The following ORC5 variants were observed in gnomAD, a reference collection of about 807,000 sequenced individuals.
ORC5 encodes protein phosphatase 1, regulatory subunit 117.
Under a neutral mutation model 58.8 loss-of-function variants are expected in ORC5, and 39 were observed. The observed-to-expected ratio is 0.66, with a 90% CI of 0.51 to 0.87. ORC5 has a LOEUF of 0.87. Ranked by LOEUF, ORC5 falls within the 40% of genes least tolerant of loss-of-function variation. ORC5 has a pLI of 0.00. For synonymous variants in ORC5, 218 were observed against 177.6 expected (o/e 1.23, Z -1.81); for missense variants, 493 against 506.3 (o/e 0.97, Z 0.25).
At chr7:104,192,988 T>C (rs780242523) in intron 5 of ORC5, among the ~76,000 whole-genome samples, 1 of 151,742 alleles carries the variant, frequency 6.6e-6, no homozygotes, top group Non-Finnish European at 1.5e-5. Context: ...CAATATAAAG[T>C]GCTCTAACAT....
At chr7:104,127,095 C>G (rs1477078842) in intron 13 of ORC5, among the ~76,000 whole-genome samples, 4 of 148,338 alleles carry the variant, frequency 2.7e-5, no homozygotes, top group African/African-American at 9.9e-5. Flanking sequence ...TTTTTTTTGC[C>G]ATGCACGAAG....
intron 1 of ORC5, among the ~76,000 whole-genome samples, chr7:104,206,445 GCT>G (rs1321948232): frequency 6.6e-6 from 1 of 152,170 alleles, no homozygotes. Flanking sequence ...TTGCCAATTT[GCT>G]CTTTCAGCAG....
intron 8 of ORC5, among the ~76,000 whole-genome samples, chr7:104,173,846 T>A (rs866861736): frequency 0.025 from 2,110 of 82,786 alleles, 46 homozygotes; most frequent in African/African-American, 0.12. Flanking sequence ...AAATTTTTTC[T>A]TTTTTTTTTT....
intron 1 of ORC5, among the ~76,000 whole-genome samples, chr7:104,204,768 T>C (rs1800033126): frequency 6.6e-6 from 1 of 152,194 alleles, no homozygotes; most frequent in Admixed American, 6.5e-5. Flanking sequence ...AATGCATACA[T>C]TAGATCACAT....
intron 12 of ORC5, among the ~76,000 whole-genome samples, chr7:104,155,597 T>A (rs1464603981): frequency 6.6e-6 from 1 of 151,522 alleles, no homozygotes. Context: ...TCGAAGCAGA[T>A]CAATGAAAAT....
rs1412242866 is a variant in ORC5, at chr7:104,126,624, A to AAC, written c.*222_*223dup. 7 of 468,112 alleles carry AAC rather than the reference A, an allele frequency of 1.5e-5. No individual in the cohort carries two copies. The highest frequency in any genetic ancestry group is 1.2e-4 in the African/African-American group (6 of 49,498). 29.0% of individuals were successfully genotyped at this position (468,112 alleles called of 1,614,324 possible). A position where few individuals can be genotyped will look rare whatever the true frequency, so the allele number is the denominator to read the frequency against. ...TGCTCAAACCCTGCTGTTTATAATT[A>AAC]ACACGTTGCTTCCAAATACTCCAGG... is the stretch of plus-strand genomic sequence containing the variant. On this transcript the variant is annotated 3_prime_UTR_variant, in exon 14 of 14. Coordinates refer to ENST00000297431, the MANE Select transcript of ORC5 (RefSeq NM_002553.4).
intron 5 of ORC5, among the ~76,000 whole-genome samples, chr7:104,190,526 C>T (rs191391282): frequency 2.0e-5 from 3 of 151,738 alleles, no homozygotes; most frequent in East Asian, 3.9e-4. Flanking sequence ...ATTAAGAGTC[C>T]TAACCTTATA....
rs139717079 is a variant in ORC5 at position 104,199,439 on chromosome 7, G to A, written c.366+1319C>T. On this transcript the variant is annotated intron_variant, in intron 3 of 13. Transcript: ENST00000297431. Reference sequence around the variant, plus strand: ...GGTCGAGCTGCATGAGGCTGTGGGAGCCCACTCTTGCATCAGTGGGCTGGA... The same window carrying A: ...GGTCGAGCTGCATGAGGCTGTGGGAACCCACTCTTGCATCAGTGGGCTGGA... Among the ~76,000 whole-genome samples, 736 of 152,318 alleles carry A rather than the reference G, an allele frequency of 4.8e-3. 8 individuals carry two copies. Among genetic ancestry groups the A allele is most frequent in the African/African-American group, 0.017 (691 of 41,574 alleles).
At chr7:104,147,315 C>G (rs1798773024) in intron 12 of ORC5, among the ~76,000 whole-genome samples, 1 of 152,096 alleles carries the variant, frequency 6.6e-6, no homozygotes, top group African/African-American at 2.4e-5. Flanking sequence ...ATTACTTCCT[C>G]TACAGCAAAG....
At chr7:104,201,362 GTGGTAAAGGCCC>G (rs2116093077) in intron 2 of ORC5, among the ~76,000 whole-genome samples, 1 of 152,234 alleles carries the variant, frequency 6.6e-6, no homozygotes, top group Non-Finnish European at 1.5e-5. Flanking sequence ...AGGCCTGGAG[GTGGTAAAGGCCC>G]TGGTGTACCA....
At chr7:104,206,536 T>C (rs1800088441) in intron 1 of ORC5, among the ~76,000 whole-genome samples, 1 of 152,130 alleles carries the variant, frequency 6.6e-6, no homozygotes, top group Admixed American at 6.5e-5. Flanking sequence ...CCAGTAATAA[T>C]ATAACTATAA....
intron 6 of ORC5, chr7:104,187,397 T>G (rs1799570412): frequency 6.6e-6 from 1 of 152,176 alleles, no homozygotes; most frequent in African/African-American, 2.4e-5. Context: ...ATGATTGCCT[T>G]CTGTGTTCTG....
intron 2 of ORC5, chr7:104,202,382 G>A (rs1799966278): frequency 3.9e-6 from 1 of 254,192 alleles, no homozygotes; most frequent in Non-Finnish European, 8.2e-6. Flanking sequence ...CTTACTTGGG[G>A]ACAGTTTCAC....
intron 9 of ORC5, among the ~76,000 whole-genome samples, chr7:104,167,194 A>G (rs1799122159): frequency 6.6e-6 from 1 of 152,138 alleles, no homozygotes; most frequent in East Asian, 1.9e-4. Context: ...AAAATAGAGA[A>G]ACTTATTTCT....
chr7:104,169,061 G>A (rs150750691), intron 8 of ORC5, among the ~76,000 whole-genome samples: 1,939 of 152,276 alleles, frequency 0.013, 21 homozygotes, highest in Middle Eastern at 0.031. Context: ...CAGCCTGGGC[G>A]AGAGTGAGCC....
chr7:104,138,809 C>T lies in ORC5; in HGVS notation c.1150-1916G>A, dbSNP rs191026671. Among the ~76,000 whole-genome samples the T allele has an allele frequency of 1.4e-3, 213 of 152,316 alleles. 1 individual carries two copies. The highest frequency in any genetic ancestry group is 2.1e-3 in the Non-Finnish European group (140 of 68,028). ...TAGAGGCGTGAGCCCCCGCACCCAA[C>T]CATTGCTTTAAAACTTATTGCTGAT... On this transcript the variant is annotated intron_variant, in intron 12 of 13. Coordinates refer to ENST00000297431, the MANE Select transcript of ORC5 (RefSeq NM_002553.4). The surrounding 1 kb of genome is among the most constrained non-coding windows in gnomAD (Gnocchi z 4.7).
chr7:104,205,086 C>CTTTTTTTTTTTTTTT (rs10672012), intron 1 of ORC5, among the ~76,000 whole-genome samples: 30 of 99,444 alleles, frequency 3.0e-4, no homozygotes, highest in African/African-American at 6.7e-4. Context: ...TAATAATACT[C>CTTTTTTTTTTTTTTT]TTTTTTTTTT....
intron 12 of ORC5, among the ~76,000 whole-genome samples, chr7:104,144,585 G>A (rs901424511): frequency 5.9e-5 from 9 of 152,166 alleles, no homozygotes; most frequent in South Asian, 2.1e-4. Flanking sequence ...GCAAAAACCC[G>A]TCTTTACTAA....
At position 104,181,791 on chromosome 7, in the gene ORC5, CAAA is replaced by C. The variant is rs34988883; in HGVS notation, c.824+2149_824+2151del. On this transcript the variant is annotated intron_variant, in intron 8 of 13. Transcript: ENST00000297431. ...TGGGCGACAGAGCGAGACTCCGTCT[CAAA>C]AAAAAAAAAAAAAAGAAAATGTGCA... Among the ~76,000 whole-genome samples, 18 of 85,788 alleles carry C rather than the reference CAAA, an allele frequency of 2.1e-4. No homozygotes were observed. In the South Asian group the frequency reaches 4.7e-3, roughly 22 times the overall value. 56.3% of individuals were successfully genotyped at this position (85,788 alleles called of 152,430 possible). A position where few individuals can be genotyped will look rare whatever the true frequency, so the allele number is the denominator to read the frequency against.
Sources: gnomAD v4.1 joint callset for allele counts (sites outside exome capture counted in the v4.1 genomes callset) on GRCh38, gnomAD v4.1.1 for gene constraint, Gnocchi (gnomAD v3.1) non-coding constraint, MANE v1.5 for transcripts, NCBI Gene and HGNC (gene_info 2026-07-23, HGNC 2026-07-21) for gene names.